The following STAU2 variants were observed in gnomAD, a reference collection of about 807,000 sequenced individuals.
STAU2 encodes double-stranded RNA-binding protein Staufen homolog 2.
STAU2 carries 20 observed loss-of-function variants against 65.9 expected under a neutral mutation model. The ratio of observed to expected loss-of-function variants is 0.30; its 90% CI spans 0.21 to 0.44. STAU2 has a LOEUF of 0.44. STAU2 is among the 20% of genes least tolerant of loss of function. The pLI, the probability that STAU2 is intolerant of heterozygous loss-of-function variation, is 1.00. For missense variants in STAU2, 558 were observed against 683.9 expected (o/e 0.82, Z 2.05); for synonymous variants, 232 against 233.9 (o/e 0.99, Z 0.07).
chr8:73,555,697 T>C (rs1807701409), intron 12 of STAU2, among the ~76,000 whole-genome samples: 1 of 152,240 alleles, frequency 6.6e-6, no homozygotes, highest in African/African-American at 2.4e-5. Flanking sequence ...AGAGAAGATT[T>C]AAGTATACTG....
chr8:73,561,601 G>C, intron 12 of STAU2: 18 of 448,608 alleles, frequency 4.0e-5, no homozygotes, highest in South Asian at 2.9e-4. Context: ...AAAGTGACCT[G>C]ATCTCTCAGC....
chr8:73,595,409 A>C (rs1811110105), intron 10 of STAU2, 112 bp from the exon 11 acceptor site: 1 of 1,015,496 alleles, frequency 9.8e-7, no homozygotes, highest in Non-Finnish European at 1.4e-6. Flanking sequence ...CATAAAGTTC[A>C]GTCCAAAGTA....
intron 3 of STAU2, among the ~76,000 whole-genome samples, chr8:73,736,603 C>T (rs891776177): frequency 6.6e-6 from 1 of 152,162 alleles, no homozygotes; most frequent in Non-Finnish European, 1.5e-5. Context: ...GCCAGAACAA[C>T]CTTACCCAAT....
At chr8:73,572,328 A>C (rs144845672) in intron 12 of STAU2, among the ~76,000 whole-genome samples, 1 of 152,064 alleles carries the variant, frequency 6.6e-6, no homozygotes, top group Non-Finnish European at 1.5e-5. Context: ...GTACAAAGAG[A>C]AGCTGATACC....
chr8:73,599,442 G>A (rs1411890742), intron 10 of STAU2, among the ~76,000 whole-genome samples: 1 of 152,044 alleles, frequency 6.6e-6, no homozygotes, highest in Admixed American at 6.5e-5. Context: ...AGAAAAATGA[G>A]CAAGAAAAGT....
At chr8:73,715,322 G>C (rs1443302582) in intron 3 of STAU2, among the ~76,000 whole-genome samples, 1 of 151,816 alleles carries the variant, frequency 6.6e-6, no homozygotes. Context: ...CAGGCATGGT[G>C]GCACATGCCT....
In STAU2 at chr8:73,551,898, G is replaced by C. The variant is rs1037035014; in HGVS notation, c.1530+114C>G. The C allele has an allele frequency of 1.3e-5, 18 of 1,363,472 alleles. No individual in the cohort carries two copies. The African/African-American group carries it at 1.9e-4, about 14-fold the overall frequency. The allele number at this position is 1,363,472 out of a possible 1,614,324, so 84.5% of individuals were successfully genotyped here. A position where few individuals can be genotyped will look rare whatever the true frequency, so the allele number is the denominator to read the frequency against. On this transcript the variant is annotated intron_variant, in intron 13 of 14. Coordinates refer to ENST00000524300, the MANE Select transcript of STAU2 (RefSeq NM_001164380.2). Reference sequence around the variant, plus strand: ...TTTGTGTTCCTAAATAACTTAAAACGTAAGTGGCATGTAGGCCATACTAGC... The same window carrying C: ...TTTGTGTTCCTAAATAACTTAAAACCTAAGTGGCATGTAGGCCATACTAGC...
intron 13 of STAU2, among the ~76,000 whole-genome samples, chr8:73,546,192 C>G (rs1360968616): frequency 1.5e-5 from 2 of 136,982 alleles, no homozygotes; most frequent in East Asian, 2.1e-4. Context: ...GTCTCAAACT[C>G]CTGACCTCAA....
chr8:73,568,801 A>G (rs940597405), intron 12 of STAU2, among the ~76,000 whole-genome samples: 4 of 152,214 alleles, frequency 2.6e-5, no homozygotes, highest in Non-Finnish European at 5.9e-5. Flanking sequence ...AAGATTTCAA[A>G]AAATGAAACT....
At chr8:73,652,230 T>G (rs1815944736) in intron 6 of STAU2, 1 of 152,162 alleles carries the variant, frequency 6.6e-6, no homozygotes, top group South Asian at 2.1e-4. Context: ...GATAATTTCA[T>G]AGAAGTATGC....
At chr8:73,602,936 GAAGA>G (rs1811746954) in intron 10 of STAU2, among the ~76,000 whole-genome samples, 1 of 151,912 alleles carries the variant, frequency 6.6e-6, no homozygotes, top group Non-Finnish European at 1.5e-5. Flanking sequence ...AGAGAGAAAG[GAAGA>G]AAGAGAGGGA....
rs529887589 is a variant in STAU2 at position 73,687,147 on chromosome 8, T to G, written c.274+1507A>C. ...GTTTTATATATTATATAAATTTATATAAATTATATTTATATAATTATGTAT... is the reference window on the plus strand; with the variant it reads ...GTTTTATATATTATATAAATTTATAGAAATTATATTTATATAATTATGTAT... On this transcript the variant is annotated intron_variant, in intron 5 of 14. Transcript: ENST00000524300. 1.4e-3 allele frequency among the ~76,000 whole-genome samples: 200 copies of G among 143,814 alleles called. 1 individual carries two copies. Among genetic ancestry groups the G allele is most frequent in the African/African-American group, 4.8e-3 (190 of 39,650 alleles). 94.3% of individuals were successfully genotyped at this position (143,814 alleles called of 152,430 possible). A position where few individuals can be genotyped will look rare whatever the true frequency, so the allele number is the denominator to read the frequency against.
At chr8:73,522,586 G>A (rs1352419720) in intron 13 of STAU2, among the ~76,000 whole-genome samples, 1 of 152,206 alleles carries the variant, frequency 6.6e-6, no homozygotes, top group Non-Finnish European at 1.5e-5. Flanking sequence ...CCTACATACA[G>A]TTATTCACAG....
chr8:73,482,853 G>A (rs4737383), intron 13 of STAU2, among the ~76,000 whole-genome samples: 77,915 of 151,918 alleles, frequency 0.51, 20,280 homozygotes, highest in Admixed American at 0.63. Context: ...ACCAGCTACT[G>A]TGTACTTACA....
At position 73,605,838 on chromosome 8, in the gene STAU2, CACAT is replaced by C. The variant is rs1412126516; in HGVS notation, c.892-1979_892-1976del. ...AGACACAGATATATATACACACATA[CACAT>C]ACACACACACACACACACACACACA... On this transcript the variant is annotated intron_variant, in intron 9 of 14. Transcript: ENST00000524300. 7.5e-5 allele frequency among the ~76,000 whole-genome samples: 6 copies of C among 80,024 alleles called. No individual in the cohort carries two copies. The South Asian group carries it at 1.2e-3, about 16-fold the overall frequency. 52.5% of individuals were successfully genotyped at this position (80,024 alleles called of 152,430 possible). A position where few individuals can be genotyped will look rare whatever the true frequency, so the allele number is the denominator to read the frequency against.
At chr8:73,541,752 A>G (rs1806559622) in intron 13 of STAU2, among the ~76,000 whole-genome samples, 1 of 152,198 alleles carries the variant, frequency 6.6e-6, no homozygotes, top group African/African-American at 2.4e-5. Context: ...GGAACTACAA[A>G]AAACAACCAA....
intron 4 of STAU2, among the ~76,000 whole-genome samples, chr8:73,697,892 C>T (rs1317902110): frequency 6.6e-6 from 1 of 152,030 alleles, no homozygotes; most frequent in Admixed American, 6.6e-5. Context: ...CCAGCCTTGC[C>T]ATCACGGTGA....
chr8:73,669,757 G>T (rs1817534000), intron 6 of STAU2, among the ~76,000 whole-genome samples: 1 of 151,716 alleles, frequency 6.6e-6, no homozygotes, highest in African/African-American at 2.4e-5. Context: ...CTTATTGACT[G>T]ACTACCTCCC....
In STAU2 at chr8:73,445,503, T is replaced by C. The variant is rs1447035950; in HGVS notation, c.1531-22801A>G. Among the ~76,000 whole-genome samples the C allele has an allele frequency of 2.6e-5, 4 of 152,108 alleles. No homozygotes were observed. In the East Asian group the frequency reaches 7.7e-4, roughly 29 times the overall value. ...AAACACAATTACCATCAAGGAAAAA[T>C]GGATACATTGGACCTCATCAAATTA... On this transcript the variant is annotated intron_variant, in intron 13 of 14. Coordinates refer to ENST00000524300, the MANE Select transcript of STAU2 (RefSeq NM_001164380.2).
Sources: gnomAD v4.1 joint callset for allele counts (sites outside exome capture counted in the v4.1 genomes callset) on GRCh38, gnomAD v4.1.1 for gene constraint, MANE v1.5 for transcripts, NCBI Gene and HGNC (gene_info 2026-07-23, HGNC 2026-07-21) for gene names.